The following LRP12 variants were observed in gnomAD, a reference collection of about 807,000 sequenced individuals.
LRP12 encodes low-density lipoprotein receptor-related protein 12.
In LRP12, 14 loss-of-function variants were observed where a neutral mutation model predicts 66.0. That is an observed-to-expected ratio of 0.21 (90% confidence interval 0.14 to 0.33). LRP12 has a LOEUF of 0.33. Ranked by LOEUF, LRP12 falls within the 10% of genes least tolerant of loss-of-function variation. The pLI is 1.00. For missense variants in LRP12, 889 were observed against 1,053.4 expected, an observed-to-expected ratio of 0.84 and a Z score of 2.16; for synonymous variants, 357 against 359.1, an observed-to-expected ratio of 0.99 and a Z score of 0.07.
At chr8:104,507,725 A>C (rs1810929958) in intron 3 of LRP12, 1 of 152,180 alleles carries the variant, frequency 6.6e-6, no homozygotes, top group Admixed American at 6.5e-5. Context: ...AGAGAAAAAC[A>C]CTGCATGGAG....
chr8:104,568,168 G>A (rs1419797372), intron 1 of LRP12, among the ~76,000 whole-genome samples: 1 of 152,070 alleles, frequency 6.6e-6, no homozygotes, highest in Admixed American at 6.6e-5. Flanking sequence ...GGATTAAATG[G>A]GAGAAAGACT....
At chr8:104,545,875 A>G in intron 1 of LRP12, among the ~76,000 whole-genome samples, 1 of 152,102 alleles carries the variant, frequency 6.6e-6, no homozygotes, top group Non-Finnish European at 1.5e-5. Context: ...TGGTTTATTA[A>G]GTTTTATAGC....
chr8:104,504,428 A>C (rs1810874689), intron 3 of LRP12: 1 of 152,116 alleles, frequency 6.6e-6, no homozygotes, highest in South Asian at 2.1e-4. Flanking sequence ...TAATTTTTAA[A>C]TCAATGCATT....
chr8:104,573,908 T>A (rs1215605488), intron 1 of LRP12, among the ~76,000 whole-genome samples: 3 of 152,092 alleles, frequency 2.0e-5, no homozygotes, highest in Non-Finnish European at 4.4e-5. Flanking sequence ...AAATGCAAAG[T>A]ATAAAAATTA....
intron 1 of LRP12, among the ~76,000 whole-genome samples, chr8:104,570,291 G>A (rs1485999822): frequency 6.6e-6 from 1 of 152,100 alleles, no homozygotes; most frequent in African/African-American, 2.4e-5. Context: ...ATTCTAAAAT[G>A]TATATGGAAG....
rs1474675593 is a variant in LRP12, at chr8:104,496,116, C to CCCATTTATCCTG, written c.1580+844_1580+855dup. On this transcript the variant is annotated intron_variant, in intron 5 of 6. Transcript: ENST00000276654. Reference sequence around the variant, plus strand: ...TCTCTGCCATTAACTTCTGCCAGGTCCCATTTATCCTGCATCAAACTGAAA... The same window carrying CCCATTTATCCTG: ...TCTCTGCCATTAACTTCTGCCAGGTCCCATTTATCCTGCCATTTATCCTGCATCAAACTGAAA... 4 of 152,232 alleles carry CCCATTTATCCTG rather than the reference C, an allele frequency of 2.6e-5. 1 individual carries two copies. The highest frequency in any genetic ancestry group is 9.6e-5 in the African/African-American group (4 of 41,528). The allele number at this position is 152,232 out of a possible 1,614,324, so 9.4% of individuals were successfully genotyped here. A position where few individuals can be genotyped will look rare whatever the true frequency, so the allele number is the denominator to read the frequency against.
chr8:104,565,766 C>G (rs1474460122), intron 1 of LRP12, among the ~76,000 whole-genome samples: 1 of 151,010 alleles, frequency 6.6e-6, no homozygotes, highest in Non-Finnish European at 1.5e-5. Flanking sequence ...GAGGCTGAGG[C>G]AGGAGAGTGG....
At chr8:104,508,648 T>TC (rs1810943875) in intron 3 of LRP12, 1 of 233,408 alleles carries the variant, frequency 4.3e-6, no homozygotes, top group African/African-American at 2.3e-5. Flanking sequence ...CAAAGGTTAG[T>TC]CTTGACCCTA....
At chr8:104,499,233 A>C (rs1311046370) in intron 4 of LRP12, 84 bp downstream of exon 4, 1 of 1,058,090 alleles carries the variant, frequency 9.5e-7, no homozygotes, top group Admixed American at 2.4e-5. Flanking sequence ...TTAAATGAAC[A>C]CTACTTAGAA....
At chr8:104,581,228 AATG>A (rs750446748) in intron 1 of LRP12, among the ~76,000 whole-genome samples, 14 of 152,334 alleles carry the variant, frequency 9.2e-5, no homozygotes, top group Non-Finnish European at 1.9e-4. Context: ...GTGGGAGCTA[AATG>A]ATGAGAACAC....
chr8:104,494,997 G>C, intron 6 of LRP12, 80 bp downstream of exon 6: 1 of 1,292,926 alleles, frequency 7.7e-7, no homozygotes, highest in Non-Finnish European at 1.1e-6. Flanking sequence ...TGACAGTCAA[G>C]GGTCTTTGCT....
At chr8:104,548,171 A>AAAT (rs1554709877) in intron 1 of LRP12, among the ~76,000 whole-genome samples, 2 of 99,092 alleles carry the variant, frequency 2.0e-5, no homozygotes, top group African/African-American at 9.2e-5. Flanking sequence ...TATTATATAT[A>AAAT]ATATAATATA....
At chr8:104,563,748 T>C (rs1288013440) in intron 1 of LRP12, among the ~76,000 whole-genome samples, 2 of 151,990 alleles carry the variant, frequency 1.3e-5, no homozygotes, top group East Asian at 3.9e-4. Flanking sequence ...AAAAAGACAT[T>C]GTCTATGAAT....
intron 2 of LRP12, among the ~76,000 whole-genome samples, chr8:104,515,481 G>T (rs561114279): frequency 6.6e-6 from 1 of 152,208 alleles, no homozygotes. Flanking sequence ...GCAAAATGTG[G>T]TTACTTTTTT....
chr8:104,493,919 T>C (rs561496846), intron 6 of LRP12, among the ~76,000 whole-genome samples: 1 of 152,342 alleles, frequency 6.6e-6, no homozygotes, highest in South Asian at 2.1e-4. Flanking sequence ...TGTGTCTGTA[T>C]CCTCTCCCTG....
chr8:104,544,842 C>T (rs1811531791), intron 1 of LRP12, among the ~76,000 whole-genome samples: 1 of 152,158 alleles, frequency 6.6e-6, no homozygotes. Context: ...TGCCTGCTAA[C>T]ACAACATCCA....
intron 3 of LRP12, 117 bp from the exon 4 acceptor site, chr8:104,499,636 T>C: frequency 3.2e-6 from 2 of 618,876 alleles, no homozygotes; most frequent in Non-Finnish European, 5.6e-6. Flanking sequence ...TCTCCTGGGT[T>C]TTCTAGGCAT....
intron 1 of LRP12, among the ~76,000 whole-genome samples, chr8:104,578,812 G>A (rs1315289767): frequency 6.6e-6 from 1 of 152,082 alleles, no homozygotes; most frequent in Non-Finnish European, 1.5e-5. Context: ...CATAAAGAGA[G>A]CTAAAGACAA....
chr8:104,538,120 T>C (rs753127871), intron 1 of LRP12, among the ~76,000 whole-genome samples: 3 of 152,206 alleles, frequency 2.0e-5, no homozygotes, highest in Non-Finnish European at 4.4e-5. Context: ...AATACGATGA[T>C]AGGCGTAAGC....
Sources: gnomAD v4.1 joint callset for allele counts (sites outside exome capture counted in the v4.1 genomes callset) on GRCh38, gnomAD v4.1.1 for gene constraint, MANE v1.5 for transcripts, NCBI Gene and HGNC (gene_info 2026-07-23, HGNC 2026-07-21) for gene names.